RNLS: variants seen among roughly 807,000 people sequenced by gnomAD.
RNLS encodes the protein renalase.
A neutral mutation model predicts 39.8 loss-of-function variants in RNLS; 39 were observed. That is an observed-to-expected ratio of 0.98 (90% CI 0.76 to 1.28). RNLS has a LOEUF of 1.28. Among genes scored for constraint, RNLS ranks in the 50% most tolerant of loss-of-function variants. The probability of loss-of-function intolerance (pLI) is 0.00; values close to 1 mark genes in which losing one functional copy is unlikely to be tolerated. For missense variants in RNLS, 410 were observed against 413.3 expected (o/e 0.99, Z 0.07); for synonymous variants, 147 against 150.7 (o/e 0.98, Z 0.18).
At chr10:88,420,849 T>C (rs1854362201) in intron 4 of RNLS, among the ~76,000 whole-genome samples, 1 of 152,254 alleles carries the variant, frequency 6.6e-6, no homozygotes, top group South Asian at 2.1e-4. Context: ...TTTGGTTATG[T>C]TTTAGAAAGT....
chr10:88,541,098 C>T (rs1428144604), intron 4 of RNLS, among the ~76,000 whole-genome samples: 2 of 152,124 alleles, frequency 1.3e-5, no homozygotes, highest in East Asian at 3.9e-4. Context: ...TGAGAAGTCT[C>T]TGTTAAAAAT....
chr10:88,560,977 C>T (rs1022341379), intron 4 of RNLS, among the ~76,000 whole-genome samples: 1 of 151,224 alleles, frequency 6.6e-6, no homozygotes, highest in Admixed American at 6.6e-5. Flanking sequence ...CACACACATA[C>T]ACACACAGAC....
the RNLS span, among the ~76,000 whole-genome samples, chr10:88,218,948 T>C: frequency 1.3e-5 from 2 of 152,192 alleles, no homozygotes; most frequent in Non-Finnish European, 2.9e-5. Flanking sequence ...CCACCTGTCA[T>C]TTACCTGCCC....
the RNLS span, among the ~76,000 whole-genome samples, chr10:88,185,508 G>A: frequency 6.6e-6 from 1 of 152,014 alleles, no homozygotes; most frequent in Non-Finnish European, 1.5e-5. Context: ...TCTTCAAGGA[G>A]CTTCGTCTTC....
chr10:88,460,648 A>G (rs1451545063), intron 4 of RNLS, among the ~76,000 whole-genome samples: 1 of 152,176 alleles, frequency 6.6e-6, no homozygotes, highest in African/African-American at 2.4e-5. Flanking sequence ...TGCCTGGCAT[A>G]TAGTGCTACC....
intron 4 of RNLS, among the ~76,000 whole-genome samples, chr10:88,414,171 T>C (rs1459116788): frequency 6.6e-6 from 1 of 152,072 alleles, no homozygotes; most frequent in African/African-American, 2.4e-5. Context: ...AACTTGTCTT[T>C]AGAGATTGTA....
intron 4 of RNLS, among the ~76,000 whole-genome samples, chr10:88,525,845 G>C (rs1847072412): frequency 6.6e-6 from 1 of 152,076 alleles, no homozygotes; most frequent in African/African-American, 2.4e-5. Context: ...TTAAATCACA[G>C]TTTTATCAGA....
chr10:88,437,195 C>G (rs1472733958), intron 4 of RNLS, among the ~76,000 whole-genome samples: 1 of 152,174 alleles, frequency 6.6e-6, no homozygotes, highest in Admixed American at 6.5e-5. Flanking sequence ...GGCCTTCAAT[C>G]TGTGAGTGGT....
At chr10:88,544,946 G>T (rs942630351) in intron 4 of RNLS, among the ~76,000 whole-genome samples, 1 of 152,092 alleles carries the variant, frequency 6.6e-6, no homozygotes, top group Non-Finnish European at 1.5e-5. Context: ...TGCAGAATTA[G>T]TGTGTCTACC....
intron 4 of RNLS, among the ~76,000 whole-genome samples, chr10:88,571,187 TC>T (rs1849813135): frequency 6.6e-6 from 1 of 151,908 alleles, no homozygotes; most frequent in Admixed American, 6.6e-5. Flanking sequence ...TTGCTATATT[TC>T]CCAGGCTGAC....
intron 4 of RNLS, among the ~76,000 whole-genome samples, chr10:88,467,385 C>T (rs1026980674): frequency 6.6e-6 from 1 of 152,028 alleles, no homozygotes; most frequent in Non-Finnish European, 1.5e-5. Context: ...GAACTCCTGC[C>T]TGCTCTTAGG....
intron 4 of RNLS, among the ~76,000 whole-genome samples, chr10:88,374,525 C>T (rs913084580): frequency 2.0e-5 from 3 of 152,120 alleles, no homozygotes; most frequent in Non-Finnish European, 2.9e-5. Flanking sequence ...GCTAACATAT[C>T]CACCTCACAC....
chr10:88,555,915 T>A (rs1160228614), intron 4 of RNLS, among the ~76,000 whole-genome samples: 1 of 152,138 alleles, frequency 6.6e-6, no homozygotes, highest in African/African-American at 2.4e-5. Flanking sequence ...TTGGACCTCA[T>A]CCAGTTCCAT....
At chr10:88,516,683 A>G (rs1191413006) in intron 4 of RNLS, among the ~76,000 whole-genome samples, 1 of 152,052 alleles carries the variant, frequency 6.6e-6, no homozygotes, top group Non-Finnish European at 1.5e-5. Flanking sequence ...TGTTTCAAAA[A>G]GATGCTTTTC....
chr10:88,396,230 G>A (rs546946162), intron 4 of RNLS, among the ~76,000 whole-genome samples: 36 of 152,016 alleles, frequency 2.4e-4, no homozygotes, highest in Middle Eastern at 3.4e-3. Context: ...GCTCTTTATC[G>A]GATTTGAAAG....
intron 6 of RNLS, among the ~76,000 whole-genome samples, chr10:88,297,551 T>G (rs1282644563): frequency 6.6e-6 from 1 of 152,200 alleles, no homozygotes; most frequent in African/African-American, 2.4e-5. Flanking sequence ...TCTCTATGGA[T>G]TTGCCTATAC....
At chr10:88,281,677 C>T (rs954909280), downstream of RNLS, among the ~76,000 whole-genome samples, 3 of 152,084 alleles carry the variant, frequency 2.0e-5, no homozygotes, top group Admixed American at 6.6e-5. Context: ...GCATCACTTT[C>T]GAAAATCAAC....
intron 4 of RNLS, among the ~76,000 whole-genome samples, chr10:88,366,078 C>T (rs1189808385): frequency 3.9e-5 from 6 of 151,980 alleles, no homozygotes; most frequent in Non-Finnish European, 5.9e-5. Context: ...CCTACATACT[C>T]GTGGCAGAAA....
chr10:88,514,907 T>C lies in RNLS; in HGVS notation c.526+57996A>G, dbSNP rs111838299. Among the ~76,000 whole-genome samples, 16 of 152,244 alleles carry C rather than the reference T, an allele frequency of 1.1e-4. 1 individual carries two copies. Among genetic ancestry groups the C allele is most frequent in the African/African-American group, 3.1e-4 (13 of 41,572 alleles). ...TTGGGATATATACTCAGAAGCGGGATTGGATTGCTAGATCATATGATAATT... is the reference window on the plus strand; with the variant it reads ...TTGGGATATATACTCAGAAGCGGGACTGGATTGCTAGATCATATGATAATT... On this transcript the variant is annotated intron_variant, in intron 4 of 6. Transcript: ENST00000331772.
Sources: gnomAD v4.1 joint callset for allele counts (sites outside exome capture counted in the v4.1 genomes callset) on GRCh38, gnomAD v4.1.1 for gene constraint, MANE v1.5 for transcripts, NCBI Gene and HGNC (gene_info 2026-07-23, HGNC 2026-07-21) for gene names.